The following KIRREL3 variants were observed in gnomAD, a reference collection of about 807,000 sequenced individuals.
The protein encoded by KIRREL3 is kin of IRRE-like protein 3.
In KIRREL3, 36 loss-of-function variants were observed where a neutral mutation model predicts 89.7. That is an observed-to-expected ratio of 0.40 (90% CI 0.31 to 0.53). The LOEUF (loss-of-function observed/expected upper bound fraction) is 0.53, where lower values mean the gene tolerates loss of function less well. Ranked by LOEUF, KIRREL3 falls within the 20% of genes least tolerant of loss-of-function variation. The probability of loss-of-function intolerance (pLI) is 0.49; values close to 1 mark genes in which losing one functional copy is unlikely to be tolerated. For synonymous variants in KIRREL3, 445 were observed against 441.4 expected (o/e 1.01, Z -0.10); for missense variants, 864 against 1,056.6 (o/e 0.82, Z 2.53).
rs910714474 is a variant in KIRREL3, at chr11:126,909,592, C to T, written c.55+90863G>A. On this transcript the variant is annotated intron_variant, in intron 1 of 16. Coordinates refer to ENST00000525144, the MANE Select transcript of KIRREL3 (RefSeq NM_032531.4). This position sits in a 1 kb window ranked among gnomAD's most constrained non-coding sequence, Gnocchi z 4.5. ...GAGAAAGGGCTCTGCTGAATGGAGT[C>T]GCAACAGCACCTGTCTCTGGTGTCC... Among the ~76,000 whole-genome samples the T allele has an allele frequency of 2.6e-5, 4 of 152,068 alleles. No individual in the cohort carries two copies. The highest frequency in any genetic ancestry group is 7.2e-5 in the African/African-American group (3 of 41,412).
In KIRREL3 at chr11:126,710,068, G is replaced by A. The variant is rs763553112; in HGVS notation, c.56-147156C>T. ...TTCAGGGTGGAAAGAAATGTCCCTA[G>A]GAGACACACATAATGAGTATCAAGT... is the stretch of plus-strand genomic sequence containing the variant. On this transcript the variant is annotated intron_variant, in intron 1 of 16. Coordinates refer to ENST00000525144, the MANE Select transcript of KIRREL3 (RefSeq NM_032531.4). This position sits in a 1 kb window ranked among gnomAD's most constrained non-coding sequence, Gnocchi z 4.2. Among the ~76,000 whole-genome samples the A allele has an allele frequency of 6.6e-6, 1 of 152,168 alleles. No individual in the cohort carries two copies. The highest frequency in any genetic ancestry group is 1.5e-5 in the Non-Finnish European group (1 of 68,016).
rs1345358090 is a variant in KIRREL3, at chr11:126,876,578, C to T, written c.55+123877G>A. On this transcript the variant is annotated intron_variant, in intron 1 of 16. Coordinates refer to ENST00000525144, the MANE Select transcript of KIRREL3 (RefSeq NM_032531.4). The surrounding 1 kb of genome is among the most constrained non-coding windows in gnomAD (Gnocchi z 4.1). ...TTTGAGATGGAGTCTTGCTCTGTCA[C>T]CCAGGCTGGAGTGCAGCGGTGCGAC... 6.6e-6 allele frequency among the ~76,000 whole-genome samples: 1 copy of T among 151,046 alleles called. No individual in the cohort carries two copies. Among genetic ancestry groups the T allele is most frequent in the Non-Finnish European group, 1.5e-5 (1 of 67,856 alleles).
In KIRREL3 at chr11:126,608,230, C is replaced by T. The variant is rs114930823; in HGVS notation, c.56-45318G>A. Among the ~76,000 whole-genome samples, 674 of 152,254 alleles carry T rather than the reference C, an allele frequency of 4.4e-3. 3 individuals carry two copies. Among genetic ancestry groups the T allele is most frequent in the African/African-American group, 0.015 (639 of 41,560 alleles). On this transcript the variant is annotated intron_variant, in intron 1 of 16. Transcript: ENST00000525144. This position sits in a 1 kb window ranked among gnomAD's most constrained non-coding sequence, Gnocchi z 4.9. ...AAAAGCAGGAGGCAGCTGAAGGGGG[C>T]GGTCTCAGAAGCCCCCGCTGGGAGC...
chr11:126,571,678 A>G lies in KIRREL3; in HGVS notation c.56-8766T>C, dbSNP rs984865930. On this transcript the variant is annotated intron_variant, in intron 1 of 16. Coordinates refer to ENST00000525144, the MANE Select transcript of KIRREL3 (RefSeq NM_032531.4). The surrounding 1 kb of genome is among the most constrained non-coding windows in gnomAD (Gnocchi z 7.7). ...GGTTACAAAACTTCCCCAAGGTCAC[A>G]TTGCTAGTAAGTGCTGAGGTTAGTA... Among the ~76,000 whole-genome samples, 6 of 152,006 alleles carry G rather than the reference A, an allele frequency of 3.9e-5. No individual in the cohort carries two copies. Among genetic ancestry groups the G allele is most frequent in the African/African-American group, 1.4e-4 (6 of 41,386 alleles).
Position 126,687,878 on chromosome 11 carries a change from C to T in KIRREL3, c.56-124966G>A, listed in dbSNP as rs374182459. On this transcript the variant is annotated intron_variant, in intron 1 of 16. Transcript: ENST00000525144. This position sits in a 1 kb window ranked among gnomAD's most constrained non-coding sequence, Gnocchi z 4.6. ...TGCAAGGCACAGGCTCCACTGCCAG[C>T]GAGGGAGAAAGCCCTCCTAGGCCCG... Among the ~76,000 whole-genome samples, 18 of 152,102 alleles carry T rather than the reference C, an allele frequency of 1.2e-4. No homozygotes were observed. The highest frequency in any genetic ancestry group is 3.6e-4 in the African/African-American group (15 of 41,408).
chr11:126,503,774 C>T (rs530165700), intron 4 of KIRREL3, among the ~76,000 whole-genome samples: 6 of 151,276 alleles, frequency 4.0e-5, no homozygotes, highest in African/African-American at 1.5e-4. Context: ...TCTCCCTCTC[C>T]CTCTTTCCCT....
rs1449714887 is a variant in KIRREL3 at position 126,891,494 on chromosome 11, G to C, written c.55+108961C>G. On this transcript the variant is annotated intron_variant, in intron 1 of 16. Transcript: ENST00000525144. The surrounding 1 kb of genome is among the most constrained non-coding windows in gnomAD (Gnocchi z 5.1). ...AAATGCCTGCAAAGTGGCTGTCTTT[G>C]AGAGCGCTCCACAGTCCCTGCCATG... Among the ~76,000 whole-genome samples, 7 of 152,216 alleles carry C rather than the reference G, an allele frequency of 4.6e-5. No individual in the cohort carries two copies. The highest frequency in any genetic ancestry group is 1.7e-4 in the African/African-American group (7 of 41,448).
intron 2 of KIRREL3, among the ~76,000 whole-genome samples, chr11:126,529,442 G>T (rs1370849815): frequency 6.6e-6 from 1 of 152,128 alleles, no homozygotes; most frequent in African/African-American, 2.4e-5. Flanking sequence ...CTGTAGGAAA[G>T]GAGCCTGATG....
intron 6 of KIRREL3, among the ~76,000 whole-genome samples, chr11:126,458,124 C>T (rs1278662594): frequency 1.3e-5 from 2 of 152,300 alleles, no homozygotes; most frequent in East Asian, 3.9e-4. Context: ...GTTGAGTGGG[C>T]AGCCCAGGAC....
At chr11:126,733,535 A>G (rs530606601) in intron 1 of KIRREL3, among the ~76,000 whole-genome samples, 1 of 24,092 alleles carries the variant, frequency 4.2e-5, no homozygotes, top group African/African-American at 9.9e-5. Flanking sequence ...ATATTCAGCC[A>G]TTATGCCATT....
In KIRREL3 at chr11:126,876,596, G is replaced by A. The variant is rs1010221401; in HGVS notation, c.55+123859C>T. Among the ~76,000 whole-genome samples, 16 of 150,992 alleles carry A rather than the reference G, an allele frequency of 1.1e-4. No individual in the cohort carries two copies. The highest frequency in any genetic ancestry group is 1.6e-4 in the Non-Finnish European group (11 of 67,842). ...TCTGTCACCCAGGCTGGAGTGCAGC[G>A]GTGCGACCTTGGCCCACTGCAACCT... On this transcript the variant is annotated intron_variant, in intron 1 of 16. Transcript: ENST00000525144. This position sits in a 1 kb window ranked among gnomAD's most constrained non-coding sequence, Gnocchi z 4.1.
At position 126,585,696 on chromosome 11, in the gene KIRREL3, C is replaced by T. The variant is rs563792677; in HGVS notation, c.56-22784G>A. 2.0e-5 allele frequency among the ~76,000 whole-genome samples: 3 copies of T among 152,326 alleles called. No individual in the cohort carries two copies. In the South Asian group the frequency reaches 6.2e-4, roughly 32 times the overall value. On this transcript the variant is annotated intron_variant, in intron 1 of 16. Transcript: ENST00000525144. ...CAGAGGCCCCGGGGGAAGCCTCCTGCGGAACGTGGGAACAAAGGGATGCGG... is the reference window on the plus strand; with the variant it reads ...CAGAGGCCCCGGGGGAAGCCTCCTGTGGAACGTGGGAACAAAGGGATGCGG...
rs557050193 is a variant in KIRREL3, at chr11:126,450,879, A to G, written c.849-1722T>C. ...TGTGCACGTGTGTGTGCATGTGTGCATGTGTGCATGTGCGTGTGTGCATGT... is the reference window on the plus strand; with the variant it reads ...TGTGCACGTGTGTGTGCATGTGTGCGTGTGTGCATGTGCGTGTGTGCATGT... On this transcript the variant is annotated intron_variant, in intron 7 of 16. Transcript: ENST00000525144. 3.2e-4 allele frequency among the ~76,000 whole-genome samples: 40 copies of G among 124,236 alleles called. No individual in the cohort carries two copies. In the Middle Eastern group the frequency reaches 0.02, roughly 62 times the overall value. 81.5% of individuals were successfully genotyped at this position (124,236 alleles called of 152,430 possible).
chr11:126,910,265 C>T (rs1049535276), intron 1 of KIRREL3, among the ~76,000 whole-genome samples: 16 of 152,166 alleles, frequency 1.1e-4, no homozygotes, highest in African/African-American at 3.6e-4. Flanking sequence ...GATGGATACA[C>T]ATACCTTTAT....
intron 1 of KIRREL3, chr11:126,920,351 T>C (rs1435985255): frequency 6.6e-6 from 1 of 152,300 alleles, no homozygotes; most frequent in Admixed American, 6.5e-5. Context: ...AGCACCATAA[T>C]CATGCTATCA....
chr11:126,590,862 C>T (rs620154), intron 1 of KIRREL3, among the ~76,000 whole-genome samples: 119,543 of 152,092 alleles, frequency 0.79, 46,973 homozygotes, highest in South Asian at 0.8. Flanking sequence ...TTCTCCCCAC[C>T]CCTTCTCTCC....
In KIRREL3 at chr11:126,636,540, A is replaced by C. The variant is rs1455934403; in HGVS notation, c.56-73628T>G. On this transcript the variant is annotated intron_variant, in intron 1 of 16. Coordinates refer to ENST00000525144, the MANE Select transcript of KIRREL3 (RefSeq NM_032531.4). This position sits in a 1 kb window ranked among gnomAD's most constrained non-coding sequence, Gnocchi z 4.4. ...GTTGGGCTCACATTACAGACATTTG[A>C]GTGTCTGCCCCTCATCCTGCCCCCC... Among the ~76,000 whole-genome samples, 1 of 152,136 alleles carries C rather than the reference A, an allele frequency of 6.6e-6. No homozygotes were observed. Among genetic ancestry groups the C allele is most frequent in the African/African-American group, 2.4e-5 (1 of 41,420 alleles).
At chr11:126,849,505 C>T (rs1944266449) in intron 1 of KIRREL3, among the ~76,000 whole-genome samples, 1 of 152,138 alleles carries the variant, frequency 6.6e-6, no homozygotes, top group Non-Finnish European at 1.5e-5. Flanking sequence ...GATTGAGGCC[C>T]CTTTCCAGTA....
chr11:126,976,749 C>A lies in KIRREL3; in HGVS notation c.55+23706G>T, dbSNP rs1033507467. Among the ~76,000 whole-genome samples, 1 of 152,092 alleles carries A rather than the reference C, an allele frequency of 6.6e-6. No homozygotes were observed. Among genetic ancestry groups the A allele is most frequent in the African/African-American group, 2.4e-5 (1 of 41,400 alleles). On this transcript the variant is annotated intron_variant, in intron 1 of 16. Transcript: ENST00000525144. The surrounding 1 kb of genome is among the most constrained non-coding windows in gnomAD (Gnocchi z 4.2). ...GTATCATTTAATCTACTTAACAAATCTATGGCATACATACTCTTGATATGT... is the reference window on the plus strand; with the variant it reads ...GTATCATTTAATCTACTTAACAAATATATGGCATACATACTCTTGATATGT...
Sources: allele counts gnomAD v4.1 joint callset (sites outside exome capture counted in the v4.1 genomes callset), GRCh38; gene constraint gnomAD v4.1.1; non-coding constraint Gnocchi (gnomAD v3.1); transcripts MANE v1.5; gene names NCBI Gene and HGNC (gene_info 2026-07-23, HGNC 2026-07-21).